Variants in LPCAT1 observed in about 807,000 individuals in gnomAD.
The protein encoded by LPCAT1 is 1-acylglycerol-3-phosphate O-acyltransferase.
Under a neutral mutation model 60.9 loss-of-function variants are expected in LPCAT1, and 23 were observed. That is an observed-to-expected ratio of 0.38 (90% CI 0.27 to 0.53). The LOEUF (loss-of-function observed/expected upper bound fraction) is 0.53, where lower values mean the gene tolerates loss of function less well. Among genes scored for constraint, LPCAT1 ranks in the 20% least tolerant of loss-of-function variants. The pLI, the probability that LPCAT1 is intolerant of heterozygous loss-of-function variation, is 0.82. For synonymous variants in LPCAT1, 340 were observed against 301.1 expected (o/e 1.13, Z -1.34); for missense variants, 622 against 723.6 (o/e 0.86, Z 1.61).
intron 4 of LPCAT1, 55 bp downstream of exon 4, chr5:1,489,691 G>C (rs1464072963): frequency 1.5e-6 from 2 of 1,310,088 alleles, no homozygotes; most frequent in African/African-American, 2.9e-5. Context: ...CACTCGCGAA[G>C]TTCGCATCTT....
Position 1,480,479 on chromosome 5 carries a change from C to A in LPCAT1, c.761+463G>T, listed in dbSNP as rs919133292. ...TCTCCTCTGGGGCTCGTTCCCGTTT[C>A]CGTGGGGTTGTTCATTGTTGCATAA... On this transcript the variant is annotated intron_variant, in intron 7 of 13. Coordinates refer to ENST00000283415, the MANE Select transcript of LPCAT1 (RefSeq NM_024830.5). The surrounding 1 kb of genome is among the most constrained non-coding windows in gnomAD (Gnocchi z 6.4). The A allele has an allele frequency of 7.3e-6, 4 of 544,516 alleles. No individual in the cohort carries two copies. In the Admixed American group the frequency reaches 2.5e-4, roughly 35 times the overall value. 33.7% of individuals were successfully genotyped at this position (544,516 alleles called of 1,614,324 possible).
intron 1 of LPCAT1, among the ~76,000 whole-genome samples, chr5:1,501,898 G>A (rs897240682): frequency 1.3e-5 from 2 of 152,128 alleles, no homozygotes; most frequent in South Asian, 2.1e-4. Flanking sequence ...CACTGACCAA[G>A]GCTGACCGGT....
Position 1,521,166 on chromosome 5 carries a change from C to T in LPCAT1, c.135+2544G>A, listed in dbSNP as rs1442347701. 6.6e-6 allele frequency among the ~76,000 whole-genome samples: 1 copy of T among 152,242 alleles called. No individual in the cohort carries two copies. The highest frequency in any genetic ancestry group is 1.5e-5 in the Non-Finnish European group (1 of 68,048). Reference sequence around the variant, plus strand: ...ACAGACCCTGATGGCTTTGATACCTCTTTTCAGATCTTAATGTGCTGTTTT... The same window carrying T: ...ACAGACCCTGATGGCTTTGATACCTTTTTTCAGATCTTAATGTGCTGTTTT... On this transcript the variant is annotated intron_variant, in intron 1 of 13. Coordinates refer to ENST00000283415, the MANE Select transcript of LPCAT1 (RefSeq NM_024830.5). This position sits in a 1 kb window ranked among gnomAD's most constrained non-coding sequence, Gnocchi z 4.3.
chr5:1,475,030 CA>C (rs1254322365), intron 9 of LPCAT1, among the ~76,000 whole-genome samples: 1 of 152,208 alleles, frequency 6.6e-6, no homozygotes, highest in Non-Finnish European at 1.5e-5. Flanking sequence ...CCAGAGACGC[CA>C]AAGTGAGCTC....
chr5:1,502,501 G>C lies in LPCAT1; in HGVS notation c.136-898C>G, dbSNP rs1736053990. ...AGTGAACTGGCGGGAGGGCAGGGGC[G>C]CAGGTCAATATGGGGGCTCAGGAAG... On this transcript the variant is annotated intron_variant, in intron 1 of 13. Coordinates refer to ENST00000283415, the MANE Select transcript of LPCAT1 (RefSeq NM_024830.5). The surrounding 1 kb of genome is among the most constrained non-coding windows in gnomAD (Gnocchi z 5.5). Among the ~76,000 whole-genome samples the C allele has an allele frequency of 6.6e-6, 1 of 152,140 alleles. No individual in the cohort carries two copies. Among genetic ancestry groups the C allele is most frequent in the Non-Finnish European group, 1.5e-5 (1 of 68,028 alleles).
Position 1,521,272 on chromosome 5 carries a change from G to A in LPCAT1, c.135+2438C>T, listed in dbSNP as rs1289801384. 15 of 940,622 alleles carry A rather than the reference G, an allele frequency of 1.6e-5. No homozygotes were observed. The highest frequency in any genetic ancestry group is 5.3e-5 in the African/African-American group (3 of 56,100). 58.3% of individuals were successfully genotyped at this position (940,622 alleles called of 1,614,324 possible). ...GCTGGCTGGAGGAGGAGGTGTCCCC[G>A]CATGGCGCTAATCCGAAGACACACA... is the stretch of plus-strand genomic sequence containing the variant. On this transcript the variant is annotated intron_variant, in intron 1 of 13. Transcript: ENST00000283415. The surrounding 1 kb of genome is among the most constrained non-coding windows in gnomAD (Gnocchi z 4.3).
At chr5:1,474,859 G>A (rs1247029608) in intron 9 of LPCAT1, among the ~76,000 whole-genome samples, 174 bp from the exon 10 acceptor site, 1 of 152,234 alleles carries the variant, frequency 6.6e-6, no homozygotes, top group African/African-American at 2.4e-5. Flanking sequence ...TTCACCTCTC[G>A]TGGGTGCTCT....
Position 1,494,860 on chromosome 5 carries a change from G to T in LPCAT1, c.333C>A (p.Gly111=). 3.1e-6 allele frequency: 5 copies of T among 1,613,124 alleles called. No individual in the cohort carries two copies. The South Asian group carries it at 5.5e-5, about 18-fold the overall frequency. ...AIMRTMWFAG[G]FHRVAVKGRQ... is the part of the protein sequence containing the mutation. ...GCCCCTTCACGGCCACCCGGTGGAA[G>T]CCGCCGGCGAACCACATGGTGCGCA... is the stretch of plus-strand genomic sequence containing the variant. The change falls in exon 3 of 14, where the codon GGC becomes GGA. Residue 111 remains glycine (G), a synonymous_variant. Transcript: ENST00000283415.
At chr5:1,490,992 T>C (rs945037779) in intron 3 of LPCAT1, among the ~76,000 whole-genome samples, 1 of 152,134 alleles carries the variant, frequency 6.6e-6, no homozygotes, top group Non-Finnish European at 1.5e-5. Context: ...AGCGTTTTTA[T>C]TACTTGTAAG....
intron 1 of LPCAT1, among the ~76,000 whole-genome samples, chr5:1,515,452 C>T (rs1200334669): frequency 6.8e-6 from 1 of 148,132 alleles, no homozygotes; most frequent in Non-Finnish European, 1.5e-5. Flanking sequence ...GGTCCCCCAC[C>T]TCCCCCGCCA....
At chr5:1,475,662 C>T (rs746594303) in intron 9 of LPCAT1, among the ~76,000 whole-genome samples, 21 of 152,354 alleles carry the variant, frequency 1.4e-4, no homozygotes, top group Non-Finnish European at 2.6e-4. Flanking sequence ...TCCTAGGACC[C>T]ACTACGGGAG....
At chr5:1,489,975 A>ATGGCACAGCCCCT in intron 3 of LPCAT1, 117 bp from the exon 4 acceptor site, 1 of 751,764 alleles carries the variant, frequency 1.3e-6, no homozygotes, top group Non-Finnish European at 2.4e-6. Context: ...CAGATGCCCC[A>ATGGCACAGCCCCT]GGGGCTGTGC....
chr5:1,475,329 T>C (rs2126505438), intron 9 of LPCAT1, among the ~76,000 whole-genome samples: 1 of 152,282 alleles, frequency 6.6e-6, no homozygotes, highest in East Asian at 1.9e-4. Flanking sequence ...AGCGGCTGCC[T>C]GTGAAGCTCA....
At chr5:1,484,466 C>T (rs1230912281) in intron 5 of LPCAT1, among the ~76,000 whole-genome samples, 1 of 152,230 alleles carries the variant, frequency 6.6e-6, no homozygotes, top group Non-Finnish European at 1.5e-5. Flanking sequence ...CTGAGAAGGG[C>T]TCCCCTGCCT....
At chr5:1,519,332 C>T (rs1194756389) in intron 1 of LPCAT1, among the ~76,000 whole-genome samples, 1 of 152,222 alleles carries the variant, frequency 6.6e-6, no homozygotes, top group East Asian at 1.9e-4. Context: ...CATGTGTGTA[C>T]ACACATATTC....
At chr5:1,467,110 C>G (rs1057286671) in intron 12 of LPCAT1, 10 of 411,406 alleles carry the variant, frequency 2.4e-5, no homozygotes, top group Admixed American at 2.2e-4. Context: ...GGACACACAG[C>G]AGATGCTTCT....
At position 1,488,418 on chromosome 5, in the gene LPCAT1, T is replaced by G; in HGVS notation, c.640A>C (p.Arg214=). The part of the protein sequence containing the change: ...MIFPEGTCTN[R]TCLITFKPGA... ...GGTTTGAAGGTAATTAGGCAGGTCCTGTTTGTACAAGTTCCTTCTGGAAAA... is the reference window on the plus strand; with the variant it reads ...GGTTTGAAGGTAATTAGGCAGGTCCGGTTTGTACAAGTTCCTTCTGGAAAA... The change falls in exon 5 of 14, where the codon AGG becomes CGG. Residue 214 remains arginine, a synonymous_variant. Transcript: ENST00000283415. The G allele has an allele frequency of 6.2e-7, 1 of 1,602,064 alleles. No homozygotes were observed. The highest frequency in any genetic ancestry group is 1.1e-5 in the South Asian group (1 of 88,088).
chr5:1,485,767 G>A (rs1735348268), intron 5 of LPCAT1, among the ~76,000 whole-genome samples: 1 of 151,642 alleles, frequency 6.6e-6, no homozygotes, highest in Admixed American at 6.6e-5. Context: ...CCCGTGCAGG[G>A]AGGCCGGGGA....
intron 1 of LPCAT1, among the ~76,000 whole-genome samples, chr5:1,508,007 T>A (rs1736238153): frequency 6.6e-6 from 1 of 152,204 alleles, no homozygotes; most frequent in South Asian, 2.1e-4. Context: ...GGGAGCTCGT[T>A]CACCCCTCCA....
Sources: gnomAD v4.1 joint callset for allele counts (sites outside exome capture counted in the v4.1 genomes callset) on GRCh38, gnomAD v4.1.1 for gene constraint, Gnocchi (gnomAD v3.1) non-coding constraint, MANE v1.5 for transcripts, NCBI Gene and HGNC (gene_info 2026-07-23, HGNC 2026-07-21) for gene names.